The following ACTR5 variants were observed in gnomAD, a reference collection of about 807,000 sequenced individuals.
The protein encoded by ACTR5 is actin related protein 5.
ACTR5 carries 43 observed loss-of-function variants against 61.2 expected under a neutral mutation model. That is an observed-to-expected ratio of 0.70 (90% CI 0.55 to 0.91). The LOEUF (loss-of-function observed/expected upper bound fraction) is 0.91. Among genes scored for constraint, ACTR5 ranks in the 40% least tolerant of loss-of-function variants. ACTR5 has a pLI of 0.00. For missense variants in ACTR5, 798 were observed against 782.2 expected, an observed-to-expected ratio of 1.02 and a Z score of -0.24; for synonymous variants, 333 against 310.5, an observed-to-expected ratio of 1.07 and a Z score of -0.76.
chr20:38,760,292 G>A (rs1429692901), intron 5 of ACTR5, among the ~76,000 whole-genome samples: 1 of 152,134 alleles, frequency 6.6e-6, no homozygotes, highest in Non-Finnish European at 1.5e-5. Context: ...TGATGAAGTG[G>A]AGATGACTAT....
At chr20:38,754,559 A>G (rs1442749936) in intron 3 of ACTR5, among the ~76,000 whole-genome samples, 2 of 152,100 alleles carry the variant, frequency 1.3e-5, no homozygotes, top group Admixed American at 6.5e-5. Context: ...TCTACTAAAA[A>G]TTCAAAAAAA....
In ACTR5 at chr20:38,748,674, G is replaced by A; in HGVS notation, c.196G>A (p.Ala66Thr). ...EPRLQFRAVC[A>T]RGRGGARGAS... Reference sequence around the variant, plus strand: ...GCGCCTGCAGTTCCGCGCGGTGTGCGCCCGCGGTCGTGGCGGGGCACGGGG... The same window carrying A: ...GCGCCTGCAGTTCCGCGCGGTGTGCACCCGCGGTCGTGGCGGGGCACGGGG... The change falls in exon 1 of 9, where the codon GCC becomes ACC. Residue 66 changes from alanine (A) to threonine (T), a missense_variant. Coordinates refer to ENST00000243903, the MANE Select transcript of ACTR5 (RefSeq NM_024855.4). 1.3e-6 allele frequency: 2 copies of A among 1,519,088 alleles called. No individual in the cohort carries two copies. The highest frequency in any genetic ancestry group is 2.6e-5 in the East Asian group (1 of 38,188). The allele number at this position is 1,519,088 out of a possible 1,614,324, so 94.1% of individuals were successfully genotyped here.
At chr20:38,757,475 T>G (rs188549095) in intron 5 of ACTR5, among the ~76,000 whole-genome samples, 1 of 152,278 alleles carries the variant, frequency 6.6e-6, no homozygotes, top group Non-Finnish European at 1.5e-5. Flanking sequence ...CCTCTTGTTT[T>G]TTGTTTTTTG....
Position 38,748,710 on chromosome 20 carries a change from C to A in ACTR5, c.232C>A (p.Pro78Thr). 1 of 1,536,934 alleles carries A rather than the reference C, an allele frequency of 6.5e-7. No homozygotes were observed. The highest frequency in any genetic ancestry group is 8.7e-7 in the Non-Finnish European group (1 of 1,143,606). ...TGGCGGGGCACGGGGCGCGTCGGGC[C>A]CGCAGGTGGGGAACGCTCTGGGCAG... ...GRGGARGASGPQVGNALGSLE... is the reference protein window; with the variant it reads ...GRGGARGASGTQVGNALGSLE... The change falls in exon 1 of 9, where the codon CCG becomes ACG. Residue 78 changes from proline to threonine, a missense_variant. By Grantham distance (38) the Pro-to-Thr change is conservative. Coordinates refer to ENST00000243903, the MANE Select transcript of ACTR5 (RefSeq NM_024855.4).
intron 8 of ACTR5, among the ~76,000 whole-genome samples, chr20:38,769,684 A>G (rs2084508970): frequency 6.6e-6 from 1 of 152,128 alleles, no homozygotes; most frequent in African/African-American, 2.4e-5. Flanking sequence ...GGGGAAAGCA[A>G]GAGGGTAGTT....
In ACTR5 at chr20:38,755,862, T is replaced by C. The variant is rs769372168; in HGVS notation, c.999T>C (p.Leu333=). 3.1e-6 allele frequency: 5 copies of C among 1,614,014 alleles called. No individual in the cohort carries two copies. In the South Asian group the frequency reaches 5.5e-5, roughly 18 times the overall value. ...RLDRLLYVQE[L]LEDGQMDQFH... is the part of the protein sequence containing the mutation. ...TGTGACTGCTCTGTTTTCAGGAACT[T>C]CTAGAGGATGGCCAGATGGATCAGT... Residue 333 remains leucine, a synonymous_variant, in exon 5 of 9, where the codon CTT becomes CTC. Coordinates refer to ENST00000243903, the MANE Select transcript of ACTR5 (RefSeq NM_024855.4).
Position 38,748,600 on chromosome 20 carries a change from A to C in ACTR5, c.122A>C (p.Gln41Pro). The C allele has an allele frequency of 6.6e-7, 1 of 1,523,552 alleles. No individual in the cohort carries two copies. The highest frequency in any genetic ancestry group is 8.8e-7 in the Non-Finnish European group (1 of 1,137,856). 94.4% of individuals were successfully genotyped at this position (1,523,552 alleles called of 1,614,324 possible). A position where few individuals can be genotyped will look rare whatever the true frequency, so the allele number is the denominator to read the frequency against. The change falls in exon 1 of 9, where the codon CAA becomes CCA. Residue 41 changes from glutamine (Q) to proline (P), a missense_variant. Coordinates refer to ENST00000243903, the MANE Select transcript of ACTR5 (RefSeq NM_024855.4). ...VPLVLDNGSF[Q>P]VRAGWACPGQ... ...CTGGTGCTGGACAACGGGTCGTTCC[A>C]AGTCCGCGCTGGCTGGGCGTGTCCC...
chr20:38,760,549 G>A (rs917322998), intron 5 of ACTR5, among the ~76,000 whole-genome samples: 22 of 152,234 alleles, frequency 1.4e-4, no homozygotes, highest in Non-Finnish European at 1.5e-4. Context: ...AAGAGTAGCA[G>A]TGTTGATAAT....
chr20:38,751,593 C>T (rs139723668), intron 2 of ACTR5, among the ~76,000 whole-genome samples: 1,954 of 152,290 alleles, frequency 0.013, 19 homozygotes, highest in Middle Eastern at 0.024. Flanking sequence ...GTTCCTAGTG[C>T]TCTGCCACTT....
intron 8 of ACTR5, among the ~76,000 whole-genome samples, chr20:38,769,438 T>G (rs1224133580): frequency 6.6e-6 from 1 of 152,162 alleles, no homozygotes. Context: ...GCAGTCAAAT[T>G]GTCAGAGCTT....
At chr20:38,767,691 C>G (rs907319305) in intron 8 of ACTR5, 95 bp downstream of exon 8, 5 of 1,402,884 alleles carry the variant, frequency 3.6e-6, no homozygotes, top group Non-Finnish European at 3.8e-6. Context: ...CCACTGTTAA[C>G]ATTTTTGTGG....
At chr20:38,768,599 C>T (rs2084502227) in intron 8 of ACTR5, among the ~76,000 whole-genome samples, 1 of 151,694 alleles carries the variant, frequency 6.6e-6, no homozygotes, top group African/African-American at 2.4e-5. Flanking sequence ...TATTTGGGGG[C>T]TGATCACATA....
Position 38,748,703 on chromosome 20 carries a change from G to C in ACTR5, c.225G>C (p.Ala75=), listed in dbSNP as rs781291937. ...CARGRGGARG[A]SGPQVGNALG... ...GCGGTCGTGGCGGGGCACGGGGCGCGTCGGGCCCGCAGGTGGGGAACGCTC... is the reference window on the plus strand; with the variant it reads ...GCGGTCGTGGCGGGGCACGGGGCGCCTCGGGCCCGCAGGTGGGGAACGCTC... The change falls in exon 1 of 9, where the codon GCG becomes GCC. Residue 75 remains alanine (A), a synonymous_variant. Transcript: ENST00000243903. 3.3e-6 allele frequency: 5 copies of C among 1,527,324 alleles called. No homozygotes were observed. Among genetic ancestry groups the C allele is most frequent in the East Asian group, 2.6e-5 (1 of 38,544 alleles). 94.6% of individuals were successfully genotyped at this position (1,527,324 alleles called of 1,614,324 possible).
rs1363514288 is a variant in ACTR5, at chr20:38,760,853, T to G, written c.1177-4549T>G. On this transcript the variant is annotated intron_variant, in intron 5 of 8. Transcript: ENST00000243903. ...GGCTTAGTTTTGAGCACCTTTTTTT[T>G]TTCTTTTTTTTAAGAGATTGGATCT... Among the ~76,000 whole-genome samples, 3 of 152,130 alleles carry G rather than the reference T, an allele frequency of 2.0e-5. No individual in the cohort carries two copies. In the East Asian group the frequency reaches 5.8e-4, roughly 29 times the overall value.
chr20:38,750,931 A>C (rs1407290204), intron 2 of ACTR5, among the ~76,000 whole-genome samples: 1 of 152,156 alleles, frequency 6.6e-6, no homozygotes, highest in Admixed American at 6.6e-5. Context: ...GCGCCCAGCC[A>C]ATTTCAAGTT....
In ACTR5 at chr20:38,760,453, G is replaced by T. The variant is rs754685338; in HGVS notation, c.1176+4414G>T. Among the ~76,000 whole-genome samples, 6 of 152,256 alleles carry T rather than the reference G, an allele frequency of 3.9e-5. 1 individual carries two copies. The highest frequency in any genetic ancestry group is 4.1e-4 in the South Asian group (2 of 4,822). ...TTAGGATGATGGGTTGAAGGGAGGG[G>T]TGAGACTGCAGGTGGGAAAACAAAA... On this transcript the variant is annotated intron_variant, in intron 5 of 8. Transcript: ENST00000243903.
At chr20:38,762,786 A>G (rs2084462822) in intron 5 of ACTR5, among the ~76,000 whole-genome samples, 1 of 152,180 alleles carries the variant, frequency 6.6e-6, no homozygotes, top group African/African-American at 2.4e-5. Flanking sequence ...GATGAAGAAT[A>G]GGGTAAAAAT....
intron 5 of ACTR5, among the ~76,000 whole-genome samples, chr20:38,761,363 A>G (rs2244440): frequency 0.42 from 63,272 of 151,932 alleles, 13,191 homozygotes; most frequent in Middle Eastern, 0.49. Flanking sequence ...CACCACTTGA[A>G]AGTTAGGTGA....
intron 8 of ACTR5, among the ~76,000 whole-genome samples, chr20:38,769,063 G>A (rs1327599351): frequency 1.3e-5 from 2 of 152,174 alleles, no homozygotes; most frequent in African/African-American, 4.8e-5. Context: ...CTTAAGAACT[G>A]TCCAGGGTTC....
Sources: allele counts gnomAD v4.1 joint callset (sites outside exome capture counted in the v4.1 genomes callset), GRCh38; gene constraint gnomAD v4.1.1; transcripts MANE v1.5; gene names NCBI Gene and HGNC (gene_info 2026-07-23, HGNC 2026-07-21).